The following CLASRP variants were observed in gnomAD, a reference collection of about 807,000 sequenced individuals.
CLASRP encodes the protein CLK4-associating serine/arginine rich protein.
Under a neutral mutation model 99.9 loss-of-function variants are expected in CLASRP, and 52 were observed. That is an observed-to-expected ratio of 0.52 (90% CI 0.42 to 0.66). The LOEUF is 0.66. Among genes scored for constraint, CLASRP ranks in the 30% least tolerant of loss-of-function variants. The pLI is 0.00. For missense variants in CLASRP, 848 were observed against 999.2 expected, an observed-to-expected ratio of 0.85 and a Z score of 2.04; for synonymous variants, 379 against 373.0, an observed-to-expected ratio of 1.02 and a Z score of -0.18.
rs541532860 is a variant in CLASRP at position 45,067,002 on chromosome 19, G to A, written c.1410-335G>A. Among the ~76,000 whole-genome samples the A allele has an allele frequency of 6.6e-6, 1 of 152,172 alleles. No homozygotes were observed. The highest frequency in any genetic ancestry group is 1.9e-4 in the East Asian group (1 of 5,180). On this transcript the variant is annotated intron_variant, in intron 13 of 20. Transcript: ENST00000221455. This position sits in a 1 kb window ranked among gnomAD's most constrained non-coding sequence, Gnocchi z 4.9. ...CACTGTTGTGCCTGAGCTGGACACG[G>A]CTCATAAAGGGGGAGCCAGCCATCC...
chr19:45,059,455 G>T, intron 8 of CLASRP, 91 bp downstream of exon 8: 1 of 1,083,218 alleles, frequency 9.2e-7, no homozygotes. Context: ...CATCCTGTTT[G>T]TGAGCATTTG....
chr19:45,062,616 C>G (rs930035803), intron 11 of CLASRP, among the ~76,000 whole-genome samples: 1 of 152,136 alleles, frequency 6.6e-6, no homozygotes, highest in Admixed American at 6.6e-5. Flanking sequence ...CTCCTGACCT[C>G]GTGATCCACC....
chr19:45,068,285 G>A, intron 15 of CLASRP, 135 bp from the exon 16 acceptor site: 1 of 667,816 alleles, frequency 1.5e-6, no homozygotes, highest in East Asian at 2.7e-5. Context: ...GCTGTCCACA[G>A]CCTGCCCCTC....
intron 8 of CLASRP, among the ~76,000 whole-genome samples, chr19:45,059,806 C>T (rs1966899034): frequency 6.6e-6 from 1 of 152,238 alleles, no homozygotes; most frequent in Admixed American, 6.5e-5. Context: ...GCATGGCACC[C>T]TCTGCCCAGA....
chr19:45,045,296 G>A (rs894012149), intron 2 of CLASRP, among the ~76,000 whole-genome samples: 21 of 152,204 alleles, frequency 1.4e-4, no homozygotes, highest in Admixed American at 1.4e-3. Flanking sequence ...CAGGAGGACT[G>A]CTTGAGCCCA....
In CLASRP at chr19:45,060,854, C is replaced by T. The variant is rs1966923963; in HGVS notation, c.863+227C>T. On this transcript the variant is annotated intron_variant, in intron 10 of 20. Coordinates refer to ENST00000221455, the MANE Select transcript of CLASRP (RefSeq NM_007056.3). This position sits in a 1 kb window ranked among gnomAD's most constrained non-coding sequence, Gnocchi z 4.6. ...CCCTCACCCTACTGGACTGGGGGCC[C>T]TTGCCAGACTCCCAGGAGCCCATGC... Among the ~76,000 whole-genome samples, 1 of 152,204 alleles carries T rather than the reference C, an allele frequency of 6.6e-6. No homozygotes were observed. The highest frequency in any genetic ancestry group is 2.4e-5 in the African/African-American group (1 of 41,446).
chr19:45,061,832 A>G (rs1966946495), intron 10 of CLASRP, among the ~76,000 whole-genome samples: 1 of 151,914 alleles, frequency 6.6e-6, no homozygotes, highest in Non-Finnish European at 1.5e-5. Context: ...GGACCCAGTG[A>G]GAGCCAGAGA....
intron 5 of CLASRP, among the ~76,000 whole-genome samples, chr19:45,056,005 C>T (rs553971447): frequency 4.8e-4 from 73 of 152,162 alleles, no homozygotes; most frequent in African/African-American, 1.6e-3. Flanking sequence ...CAGGAGAGCC[C>T]AGGTCATCCC....
Position 45,067,258 on chromosome 19 carries a change from G to A in CLASRP, c.1410-79G>A, listed in dbSNP as rs1462824300. On this transcript the variant is annotated intron_variant, in intron 13 of 20. Coordinates refer to ENST00000221455, the MANE Select transcript of CLASRP (RefSeq NM_007056.3). The surrounding 1 kb of genome is among the most constrained non-coding windows in gnomAD (Gnocchi z 4.9). ...CCTGGGCCTTGCAGGAAGGAGGACTGTGGATCCGGACCCAGGGTGGGGTGC... is the reference window on the plus strand; with the variant it reads ...CCTGGGCCTTGCAGGAAGGAGGACTATGGATCCGGACCCAGGGTGGGGTGC... 1.4e-6 allele frequency: 2 copies of A among 1,419,688 alleles called. No individual in the cohort carries two copies. Among genetic ancestry groups the A allele is most frequent in the Non-Finnish European group, 1.8e-6 (2 of 1,083,984 alleles). The allele number at this position is 1,419,688 out of a possible 1,614,324, so 87.9% of individuals were successfully genotyped here.
Position 45,062,165 on chromosome 19 carries a change from G to A in CLASRP, c.875G>A (p.Arg292Gln), listed in dbSNP as rs969857750. 5.8e-6 allele frequency: 9 copies of A among 1,550,640 alleles called. No individual in the cohort carries two copies. The highest frequency in any genetic ancestry group is 2.2e-5 in the East Asian group (1 of 44,596). Residue 292 changes from arginine to glutamine, a missense_variant, in exon 11 of 21, where the codon CGA becomes CAA. Arg to Gln is a conservative substitution (Grantham distance 43, BLOSUM62 1). Coordinates refer to ENST00000221455, the MANE Select transcript of CLASRP (RefSeq NM_007056.3). ...TCTTTTCTCTGTAGCTATGCCCGCC[G>A]AGACAGCCCCACCTATGACCCCTAT... ...RKISPPSYAR[R>Q]DSPTYDPYKR...
At chr19:45,056,578 G>T in intron 6 of CLASRP, 44 bp downstream of exon 6, 5 of 1,535,204 alleles carry the variant, frequency 3.3e-6, no homozygotes, top group Non-Finnish European at 4.5e-6. Context: ...AGGCAGGAGG[G>T]CTGGGAGCCC....
rs1967114171 is a variant in CLASRP, at chr19:45,067,456, GCAGCCGCAGCCATAGCCC to G, written c.1535_1552del (p.Arg512_Ser517del). ...CCGTCCCGCAGTCGCAGCCTGACTCGCAGCCGCAGCCATAGCCCCAGCCCCAGCCAGAGCCGCAGCCGC... is the reference window on the plus strand; with the variant it reads ...CCGTCCCGCAGTCGCAGCCTGACTCGCAGCCCCAGCCAGAGCCGCAGCCGC... On this transcript the variant is annotated inframe_deletion, in exon 14 of 21. Coordinates refer to ENST00000221455, the MANE Select transcript of CLASRP (RefSeq NM_007056.3). The surrounding 1 kb of genome is among the most constrained non-coding windows in gnomAD (Gnocchi z 4.9). The G allele has an allele frequency of 5.2e-6, 8 of 1,547,444 alleles. No individual in the cohort carries two copies. Among genetic ancestry groups the G allele is most frequent in the South Asian group, 1.2e-5 (1 of 85,554 alleles).
intron 11 of CLASRP, among the ~76,000 whole-genome samples, chr19:45,062,939 G>T (rs2122589154): frequency 6.6e-6 from 1 of 152,110 alleles, no homozygotes; most frequent in East Asian, 1.9e-4. Flanking sequence ...TCTGATCCCA[G>T]TCCCCCTCAT....
intron 11 of CLASRP, 33 bp from the exon 12 acceptor site, chr19:45,063,979 T>C (rs1967002765): frequency 3.2e-6 from 5 of 1,574,090 alleles, no homozygotes; most frequent in Non-Finnish European, 4.3e-6. Flanking sequence ...TCCGGGAGCC[T>C]GAGCTAGTGA....
chr19:45,056,974 G>T (rs1177504069), intron 6 of CLASRP, among the ~76,000 whole-genome samples: 1 of 152,204 alleles, frequency 6.6e-6, no homozygotes, highest in Non-Finnish European at 1.5e-5. Context: ...CCTAGCTGAT[G>T]TCACTCTGGA....
At chr19:45,053,053 A>T (rs1600101109) in intron 4 of CLASRP, 45 bp from the exon 5 acceptor site, 1 of 1,600,974 alleles carries the variant, frequency 6.2e-7, no homozygotes. Context: ...TTGGGGGGGG[A>T]TCCACTCCTT....
At chr19:45,050,460 G>A (rs190278838) in intron 2 of CLASRP, among the ~76,000 whole-genome samples, 6 of 152,196 alleles carry the variant, frequency 3.9e-5, no homozygotes, top group African/African-American at 1.2e-4. Flanking sequence ...CAAGGCAGGC[G>A]GATCACCTGA....
chr19:45,040,447 T>G (rs1044948423), intron 2 of CLASRP, 136 bp downstream of exon 2: 1 of 610,506 alleles, frequency 1.6e-6, no homozygotes, highest in African/African-American at 1.9e-5. Context: ...ATTAATCTTT[T>G]CTTGAGGATA....
chr19:45,063,890 A>C (rs1600110943), intron 11 of CLASRP, 122 bp from the exon 12 acceptor site: 2 of 1,396,412 alleles, frequency 1.4e-6, no homozygotes, highest in Non-Finnish European at 1.9e-6. Flanking sequence ...GGCTCCATCC[A>C]CCCGCCTGGT....
Sources: allele counts gnomAD v4.1 joint callset (sites outside exome capture counted in the v4.1 genomes callset), GRCh38; gene constraint gnomAD v4.1.1; non-coding constraint Gnocchi (gnomAD v3.1); transcripts MANE v1.5; gene names NCBI Gene and HGNC (gene_info 2026-07-23, HGNC 2026-07-21).